RTCB: variants seen among roughly 807,000 people sequenced by gnomAD.
RTCB encodes the protein RNA 2',3'-cyclic phosphate and 5'-OH ligase.
Under a neutral mutation model 58.2 loss-of-function variants are expected in RTCB, and 32 were observed. The observed-to-expected ratio is 0.55, with a 90% CI of 0.41 to 0.74. The LOEUF (loss-of-function observed/expected upper bound fraction) is 0.74, where lower values mean the gene tolerates loss of function less well. RTCB is among the 30% of genes least tolerant of loss of function. The pLI is 0.00. For synonymous variants in RTCB, 247 were observed against 218.6 expected (o/e 1.13, Z -1.15); for missense variants, 523 against 639.0 (o/e 0.82, Z 1.96).
intron 7 of RTCB, among the ~76,000 whole-genome samples, chr22:32,397,372 T>C (rs534411782): frequency 6.6e-6 from 1 of 152,240 alleles, no homozygotes; most frequent in Admixed American, 6.5e-5. Context: ...ACTGGGTCCA[T>C]GAAGCCATCT....
At chr22:32,407,627 A>T (rs1267376998) in intron 3 of RTCB, 1 of 152,642 alleles carries the variant, frequency 6.6e-6, no homozygotes, top group Non-Finnish European at 1.5e-5. Context: ...ATCCAGGAAT[A>T]ATGTTACCAT....
At chr22:32,396,637 A>C (rs892694758) in intron 7 of RTCB, among the ~76,000 whole-genome samples, 1 of 152,224 alleles carries the variant, frequency 6.6e-6, no homozygotes. Flanking sequence ...GCAGAGAAGT[A>C]CTCAGGGGAA....
chr22:32,394,358 G>A (rs147975213), intron 9 of RTCB, among the ~76,000 whole-genome samples: 88 of 152,090 alleles, frequency 5.8e-4, no homozygotes, highest in African/African-American at 2.0e-3. Flanking sequence ...TGATTTGCCC[G>A]CCTTGGCCTC....
At chr22:32,411,178 G>A (rs868511492) in intron 1 of RTCB, among the ~76,000 whole-genome samples, 13 of 152,192 alleles carry the variant, frequency 8.5e-5, no homozygotes, top group Admixed American at 4.6e-4. Flanking sequence ...TAAAAGAATG[G>A]AGTGACTATT....
chr22:32,408,159 C>A lies in RTCB; in HGVS notation c.240+16G>T. On this transcript the variant is annotated intron_variant, in intron 3 of 11. Transcript: ENST00000216038. ...TTAAGAAATATAAATGATTAAAGTT[C>A]TGAACTCTGACTCACATGAACAATT... is the stretch of plus-strand genomic sequence containing the variant. 6.2e-7 allele frequency: 1 copy of A among 1,610,984 alleles called. No homozygotes were observed. Among genetic ancestry groups the A allele is most frequent in the Non-Finnish European group, 8.5e-7 (1 of 1,177,218 alleles).
At chr22:32,400,810 A>G (rs1415974127) in intron 5 of RTCB, among the ~76,000 whole-genome samples, 1 of 152,242 alleles carries the variant, frequency 6.6e-6, no homozygotes, top group Non-Finnish European at 1.5e-5. Context: ...GCAAAATATT[A>G]AAGAAACATA....
intron 1 of RTCB, among the ~76,000 whole-genome samples, chr22:32,410,103 A>T (rs1445998880): frequency 6.6e-6 from 1 of 152,196 alleles, no homozygotes; most frequent in Non-Finnish European, 1.5e-5. Flanking sequence ...GGCGTGAGCC[A>T]CCGCACCCAG....
At chr22:32,401,488 A>G (rs76956700) in intron 5 of RTCB, 19,377 of 363,222 alleles carry the variant, frequency 0.053, 666 homozygotes, top group Middle Eastern at 0.097. Flanking sequence ...AGCACCTTAC[A>G]CATAGAAAGT....
intron 5 of RTCB, among the ~76,000 whole-genome samples, chr22:32,400,480 T>C (rs1339705215): frequency 6.6e-6 from 1 of 152,236 alleles, no homozygotes; most frequent in African/African-American, 2.4e-5. Flanking sequence ...TTTGTTATTA[T>C]TTTTTACTGC....
intron 4 of RTCB, among the ~76,000 whole-genome samples, chr22:32,405,273 TAA>T (rs1313365253): frequency 6.6e-6 from 1 of 152,208 alleles, no homozygotes; most frequent in African/African-American, 2.4e-5. Flanking sequence ...TAAACATTGA[TAA>T]GAGTCTGAGA....
intron 4 of RTCB, among the ~76,000 whole-genome samples, chr22:32,402,404 T>C (rs1479770953): frequency 6.6e-6 from 1 of 152,222 alleles, no homozygotes; most frequent in Non-Finnish European, 1.5e-5. Flanking sequence ...CATGTTTCCA[T>C]TCAAAAAGGA....
Position 32,401,908 on chromosome 22 carries a change from A to T in RTCB, c.341-5T>A. On this transcript the variant is annotated splice_polypyrimidine_tract_variant and splice_region_variant and intron_variant, in intron 4 of 11. Coordinates refer to ENST00000216038, the MANE Select transcript of RTCB (RefSeq NM_014306.5). ...TGATGTCAAACCCGACACCACCTACAAAATAGAGAAAAGTTAGCAAAACCA... is the reference window on the plus strand; with the variant it reads ...TGATGTCAAACCCGACACCACCTACTAAATAGAGAAAAGTTAGCAAAACCA... 6.2e-7 allele frequency: 1 copy of T among 1,612,816 alleles called. No homozygotes were observed. The highest frequency in any genetic ancestry group is 8.5e-7 in the Non-Finnish European group (1 of 1,178,958).
chr22:32,406,634 T>C (rs1214940093), intron 4 of RTCB, 28 bp downstream of exon 4: 1 of 1,524,220 alleles, frequency 6.6e-7, no homozygotes, highest in Non-Finnish European at 9.1e-7. Context: ...GCTACACACT[T>C]AACAGCAGAT....
chr22:32,406,655 A>G lies in RTCB; in HGVS notation c.340+7T>C. 1 of 1,598,156 alleles carries G rather than the reference A, an allele frequency of 6.3e-7. No homozygotes were observed. The highest frequency in any genetic ancestry group is 8.6e-7 in the Non-Finnish European group (1 of 1,166,040). ...CACTTAACAGCAGATGTCCACAGTG[A>G]TCTTACCTGGGGATACTACTGCTTC... On this transcript the variant is annotated splice_region_variant and intron_variant, in intron 4 of 11. Transcript: ENST00000216038.
At chr22:32,397,665 T>C (rs75225516) in intron 7 of RTCB, among the ~76,000 whole-genome samples, 3,436 of 152,328 alleles carry the variant, frequency 0.023, 125 homozygotes, top group African/African-American at 0.077. Context: ...AGAGTAAACA[T>C]AACAATAACT....
chr22:32,395,247 G>GA (rs781627306), intron 8 of RTCB, 33 bp from the exon 9 acceptor site: 2 of 1,588,392 alleles, frequency 1.3e-6, no homozygotes, highest in Non-Finnish European at 1.7e-6. Flanking sequence ...AAAGCAGCCA[G>GA]AACTTCAGGA....
chr22:32,387,637 A>G lies in RTCB; in HGVS notation c.*355T>C. 1 of 216,244 alleles carries G rather than the reference A, an allele frequency of 4.6e-6. No individual in the cohort carries two copies. Among genetic ancestry groups the G allele is most frequent in the Non-Finnish European group, 9.3e-6 (1 of 107,294 alleles). The allele number at this position is 216,244 out of a possible 1,614,324, so 13.4% of individuals were successfully genotyped here. ...TCTTCATGACACCTCTCGGAATGTA[A>G]ACAGAGCTTGGTGTGAAGAAGATCA... On this transcript the variant is annotated 3_prime_UTR_variant, in exon 12 of 12. Coordinates refer to ENST00000216038, the MANE Select transcript of RTCB (RefSeq NM_014306.5).
chr22:32,409,285 A>C (rs1471020057), intron 1 of RTCB, among the ~76,000 whole-genome samples: 1 of 152,168 alleles, frequency 6.6e-6, no homozygotes, highest in Non-Finnish European at 1.5e-5. Flanking sequence ...TTCTGTGTTT[A>C]AGCCAATAGC....
rs548583857 is a variant in RTCB at position 32,396,971 on chromosome 22, C to CG, written c.815-723dup. Among the ~76,000 whole-genome samples, 610 of 152,242 alleles carry CG rather than the reference C, an allele frequency of 4.0e-3. 2 individuals are homozygous for CG. The highest frequency in any genetic ancestry group is 0.014 in the African/African-American group (583 of 41,540). ...CCAGAAGGAATGCTGAGGGCAGCCA[C>CG]GCCCCAGGCACAAGTGTTTCTTGTG... On this transcript the variant is annotated intron_variant, in intron 7 of 11. Transcript: ENST00000216038.
Sources: gnomAD v4.1 joint callset for allele counts (sites outside exome capture counted in the v4.1 genomes callset) on GRCh38, gnomAD v4.1.1 for gene constraint, MANE v1.5 for transcripts, NCBI Gene and HGNC (gene_info 2026-07-23, HGNC 2026-07-21) for gene names.